Variants in SPOCK3 observed in about 807,000 individuals in gnomAD.
SPOCK3 encodes the protein testican-3.
Under a neutral mutation model 56.6 loss-of-function variants are expected in SPOCK3, and 30 were observed. The ratio of observed to expected loss-of-function variants is 0.53; its 90% confidence interval spans 0.40 to 0.72. The LOEUF (loss-of-function observed/expected upper bound fraction) is 0.72, where lower values mean the gene tolerates loss of function less well. SPOCK3 is among the 30% of genes least tolerant of loss of function. The pLI is 0.00. For missense variants in SPOCK3, 527 were observed against 530.0 expected (o/e 0.99, Z 0.06); for synonymous variants, 196 against 183.3 (o/e 1.07, Z -0.56).
intron 2 of SPOCK3, among the ~76,000 whole-genome samples, chr4:167,066,850 A>G (rs1756188895): frequency 6.6e-6 from 1 of 151,952 alleles, no homozygotes; most frequent in Admixed American, 6.6e-5. Flanking sequence ...CACACCCAGT[A>G]TGGAGAAGCT....
intron 2 of SPOCK3, among the ~76,000 whole-genome samples, chr4:167,197,624 C>A (rs1733085013): frequency 6.6e-6 from 1 of 151,486 alleles, no homozygotes. Context: ...AAAAAAAAAT[C>A]CCACAAAAGT....
chr4:167,078,025 A>G (rs983234011), intron 2 of SPOCK3, among the ~76,000 whole-genome samples: 1 of 151,934 alleles, frequency 6.6e-6, no homozygotes, highest in Non-Finnish European at 1.5e-5. Flanking sequence ...TTTACATTCT[A>G]TAGAGAGTCA....
intron 5 of SPOCK3, among the ~76,000 whole-genome samples, chr4:166,895,222 T>C (rs1171568468): frequency 2.0e-5 from 3 of 152,048 alleles, no homozygotes; most frequent in Non-Finnish European, 4.4e-5. Context: ...TACTTACTCT[T>C]AACTTACATT....
intron 3 of SPOCK3, among the ~76,000 whole-genome samples, chr4:167,017,794 C>CAGAGAA (rs1750766819): frequency 6.6e-6 from 1 of 151,850 alleles, no homozygotes; most frequent in South Asian, 2.1e-4. Flanking sequence ...ACACAGCTTT[C>CAGAGAA]AACACATCTG....
At chr4:166,856,485 T>C (rs1346074554) in intron 6 of SPOCK3, among the ~76,000 whole-genome samples, 1 of 152,052 alleles carries the variant, frequency 6.6e-6, no homozygotes, top group Non-Finnish European at 1.5e-5. Flanking sequence ...CATAAAAATA[T>C]ATACAGTCGG....
At chr4:166,928,193 T>G (rs1395579964) in intron 4 of SPOCK3, among the ~76,000 whole-genome samples, 4 of 152,126 alleles carry the variant, frequency 2.6e-5, no homozygotes, top group Non-Finnish European at 5.9e-5. Flanking sequence ...CTAAACATAC[T>G]CTTACCAAGG....
intron 5 of SPOCK3, among the ~76,000 whole-genome samples, chr4:166,911,240 C>T (rs908439338): frequency 1.4e-5 from 1 of 69,760 alleles, no homozygotes; most frequent in African/African-American, 5.9e-5. Context: ...TACTTGGCAC[C>T]TAGTGTGTAC....
At chr4:166,862,395 G>T (rs1383229883) in intron 6 of SPOCK3, among the ~76,000 whole-genome samples, 1 of 151,922 alleles carries the variant, frequency 6.6e-6, no homozygotes, top group Non-Finnish European at 1.5e-5. Context: ...TAACAAAGAG[G>T]GAATGCACCT....
chr4:167,031,260 T>G (rs1362666718), intron 3 of SPOCK3, among the ~76,000 whole-genome samples: 1 of 152,042 alleles, frequency 6.6e-6, no homozygotes, highest in African/African-American at 2.4e-5. Context: ...AATAACTATA[T>G]TTGTTATAGC....
At chr4:166,783,274 G>A (rs868609045) in intron 7 of SPOCK3, among the ~76,000 whole-genome samples, 36 of 152,096 alleles carry the variant, frequency 2.4e-4, no homozygotes, top group African/African-American at 8.2e-4. Flanking sequence ...CAGGAGAATT[G>A]CTTGAACCTG....
intron 7 of SPOCK3, among the ~76,000 whole-genome samples, chr4:166,780,676 C>G (rs1384720797): frequency 1.3e-5 from 2 of 152,126 alleles, no homozygotes; most frequent in African/African-American, 2.4e-5. Flanking sequence ...ATTAAAGAAC[C>G]TCTTCCACTA....
intron 6 of SPOCK3, among the ~76,000 whole-genome samples, chr4:166,855,058 T>G (rs1207439413): frequency 6.6e-6 from 1 of 152,158 alleles, no homozygotes; most frequent in Non-Finnish European, 1.5e-5. Flanking sequence ...TGCGAACAAT[T>G]GTTTTCCTTT....
At chr4:167,070,881 GC>G in intron 2 of SPOCK3, among the ~76,000 whole-genome samples, 1 of 152,052 alleles carries the variant, frequency 6.6e-6, no homozygotes, top group Non-Finnish European at 1.5e-5. Flanking sequence ...TCTGCTTCAA[GC>G]CCCCAAGTGT....
intron 6 of SPOCK3, among the ~76,000 whole-genome samples, chr4:166,836,342 A>C (rs551922643): frequency 1.3e-5 from 2 of 152,348 alleles, no homozygotes; most frequent in East Asian, 3.9e-4. Context: ...CAGCTTTCTA[A>C]GAATTATTTT....
intron 2 of SPOCK3, among the ~76,000 whole-genome samples, chr4:167,089,355 T>G (rs1172495751): frequency 6.6e-6 from 1 of 152,128 alleles, no homozygotes; most frequent in Non-Finnish European, 1.5e-5. Flanking sequence ...ATATTCTATC[T>G]TACTCTTTAA....
rs565570469 is a variant in SPOCK3, at chr4:167,016,102, C to T, written c.236-15639G>A. The stretch of plus-strand genomic sequence containing the variant: ...CCTGACTGAATAGTTATAGCAGAAT[C>T]CAATTTTTGAAACTGACAGGAAAGC... On this transcript the variant is annotated intron_variant, in intron 3 of 10. Transcript: ENST00000357545. Among the ~76,000 whole-genome samples the T allele has an allele frequency of 7.2e-5, 11 of 152,138 alleles. No individual in the cohort carries two copies. In the East Asian group the frequency reaches 2.1e-3, roughly 30 times the overall value.
At chr4:167,133,217 T>C (rs1396852849) in intron 2 of SPOCK3, among the ~76,000 whole-genome samples, 1 of 152,116 alleles carries the variant, frequency 6.6e-6, no homozygotes, top group Admixed American at 6.5e-5. Context: ...AGGATCATTT[T>C]AGGAGGAAGG....
chr4:167,077,793 T>G (rs1043623893), intron 2 of SPOCK3, among the ~76,000 whole-genome samples: 1 of 151,906 alleles, frequency 6.6e-6, no homozygotes, highest in Non-Finnish European at 1.5e-5. Flanking sequence ...TTTAATTTCA[T>G]TATTTATTGC....
chr4:166,803,482 A>G (rs1404914542), intron 6 of SPOCK3, among the ~76,000 whole-genome samples: 1 of 152,168 alleles, frequency 6.6e-6, no homozygotes, highest in African/African-American at 2.4e-5. Context: ...GTCTCTCAAA[A>G]AGCAGGAGCA....
Sources: gnomAD v4.1 joint callset for allele counts (sites outside exome capture counted in the v4.1 genomes callset) on GRCh38, gnomAD v4.1.1 for gene constraint, MANE v1.5 for transcripts, NCBI Gene and HGNC (gene_info 2026-07-23, HGNC 2026-07-21) for gene names.